The following PCDHGA1 variants were observed in gnomAD, a reference collection of about 807,000 sequenced individuals.
PCDHGA1 encodes protocadherin gamma-A1.
A neutral mutation model predicts 58.0 loss-of-function variants in PCDHGA1; 32 were observed. The ratio of observed to expected loss-of-function variants is 0.55; its 90% CI spans 0.42 to 0.74. The LOEUF is 0.74. PCDHGA1 is among the 30% of genes least tolerant of loss of function. PCDHGA1 has a pLI of 0.00. For synonymous variants in PCDHGA1, 498 were observed against 501.1 expected (o/e 0.99, Z 0.08); for missense variants, 1,205 against 1,182.3 (o/e 1.02, Z -0.28).
At chr5:141,383,656 G>A in intron 1 of PCDHGA1, 1 of 1,614,008 alleles carries the variant, frequency 6.2e-7, no homozygotes, top group South Asian at 1.1e-5. Context: ...AACTGTCCCC[G>A]AGAATGTGCC....
rs542553570 is a variant in PCDHGA1 at position 141,372,192 on chromosome 5, T to C, written c.2421+39087T>C. On this transcript the variant is annotated intron_variant, in intron 1 of 3. Coordinates refer to ENST00000517417, the MANE Select transcript of PCDHGA1 (RefSeq NM_018912.3). The stretch of plus-strand genomic sequence containing the variant: ...GGTGGCGGTGGACGCAGACTCGGGA[T>C]ACAACGCCTGGCTGTCCTACCACAT... 6.2e-6 allele frequency: 10 copies of C among 1,613,546 alleles called. No homozygotes were observed. Among genetic ancestry groups the C allele is most frequent in the Middle Eastern group, 1.7e-4 (1 of 6,028 alleles).
intron 1 of PCDHGA1, among the ~76,000 whole-genome samples, chr5:141,349,784 A>G (rs1309730202): frequency 2.0e-5 from 3 of 152,190 alleles, no homozygotes; most frequent in African/African-American, 7.2e-5. Flanking sequence ...TAGTGAAATC[A>G]CTGAAGATTT....
Position 141,509,375 on chromosome 5 carries a change from T to C in PCDHGA1, c.2570-1572T>C, listed in dbSNP as rs1450730489. Among the ~76,000 whole-genome samples, 6 of 152,168 alleles carry C rather than the reference T, an allele frequency of 3.9e-5. No homozygotes were observed. In the East Asian group the frequency reaches 1.2e-3, roughly 29 times the overall value. On this transcript the variant is annotated intron_variant, in intron 3 of 3. Coordinates refer to ENST00000517417, the MANE Select transcript of PCDHGA1 (RefSeq NM_018912.3). ...GGGCATCCCTGAGGTTTTAACTGTC[T>C]CCTAACCACAGAGGATCTCAGGGCC...
At chr5:141,399,402 G>T (rs2093800599) in intron 1 of PCDHGA1, 2 of 1,613,898 alleles carry the variant, frequency 1.2e-6, no homozygotes, top group Non-Finnish European at 1.7e-6. Context: ...ACAGGGGCAA[G>T]CCGCCCCTCT....
rs760092857 is a variant in PCDHGA1 at position 141,332,291 on chromosome 5, A to G, written c.1607A>G (p.Asp536Gly). The G allele has an allele frequency of 2.5e-6, 4 of 1,614,158 alleles. No individual in the cohort carries two copies. The highest frequency in any genetic ancestry group is 3.3e-5 in the Admixed American group (2 of 60,022). ...RDMQLKVMAR[D>G]SGDPPLSSNV... is the part of the protein sequence containing the mutation. ...ATGCAACTGAAAGTGATGGCGCGGG[A>G]CAGTGGGGATCCGCCCCTCAGCAGC... Residue 536 changes from aspartate to glycine, a missense_variant, in exon 1 of 4, where the codon GAC (aspartate) becomes GGC (glycine). Transcript: ENST00000517417. The surrounding 1 kb of genome is among the most constrained non-coding windows in gnomAD (Gnocchi z 4.6).
chr5:141,487,670 T>A lies in PCDHGA1; in HGVS notation c.2422-7137T>A. The A allele has an allele frequency of 6.2e-7, 1 of 1,612,302 alleles. No homozygotes were observed. Among genetic ancestry groups the A allele is most frequent in the Non-Finnish European group, 8.5e-7 (1 of 1,179,082 alleles). ...TGAGGGTTATTCTGATCCAGGCATA[T>A]GGCTAGGCCATGTCCTAGAGAGTAC... On this transcript the variant is annotated intron_variant, in intron 1 of 3. Transcript: ENST00000517417. This position sits in a 1 kb window ranked among gnomAD's most constrained non-coding sequence, Gnocchi z 5.0.
At chr5:141,340,735 G>A in intron 1 of PCDHGA1, 2 of 1,614,070 alleles carry the variant, frequency 1.2e-6, no homozygotes, top group South Asian at 1.1e-5. Flanking sequence ...GCTACCTGGT[G>A]ACCAAGGTGG....
intron 1 of PCDHGA1, among the ~76,000 whole-genome samples, chr5:141,348,227 C>T (rs1758083997): frequency 6.6e-6 from 1 of 152,094 alleles, no homozygotes; most frequent in African/African-American, 2.4e-5. Context: ...TAGGAAAAGG[C>T]ACATTTAAAT....
At chr5:141,403,495 C>T (rs2094413954) in intron 1 of PCDHGA1, 2 of 1,614,014 alleles carry the variant, frequency 1.2e-6, no homozygotes, top group Non-Finnish European at 1.7e-6. Flanking sequence ...TCTCCCTGAA[C>T]GTGCAGACTG....
intron 1 of PCDHGA1, chr5:141,403,543 G>C (rs1228327431): frequency 1.2e-6 from 2 of 1,614,006 alleles, no homozygotes; most frequent in Non-Finnish European, 1.7e-6. Context: ...TGGTGCTGGA[G>C]CGCGCCCTGG....
chr5:141,344,148 CTAGA>C (rs1447337473), intron 1 of PCDHGA1: 2 of 1,614,022 alleles, frequency 1.2e-6, no homozygotes, highest in Non-Finnish European at 1.7e-6. Flanking sequence ...GTCTGAGGAG[CTAGA>C]TAAAGGTTCC....
At chr5:141,370,428 G>A in intron 1 of PCDHGA1, 1 of 1,598,310 alleles carries the variant, frequency 6.3e-7, no homozygotes, top group Non-Finnish European at 8.5e-7. Context: ...GGGCCCAGCA[G>A]GGCAGAGGCG....
At chr5:141,480,948 G>C (rs1288557779) in intron 1 of PCDHGA1, among the ~76,000 whole-genome samples, 1 of 152,138 alleles carries the variant, frequency 6.6e-6, no homozygotes, top group Non-Finnish European at 1.5e-5. Context: ...TAGAGGCTGA[G>C]GCGGAAGCAT....
At chr5:141,344,464 A>T in intron 1 of PCDHGA1, 1 of 1,613,906 alleles carries the variant, frequency 6.2e-7, no homozygotes. Context: ...AAAATTGGTG[A>T]ACTAACGGTT....
chr5:141,392,641 C>A, intron 1 of PCDHGA1: 2 of 655,502 alleles, frequency 3.1e-6, no homozygotes, highest in East Asian at 5.8e-5. Flanking sequence ...TCACACCTCA[C>A]GAAGACCCGC....
Position 141,331,829 on chromosome 5 carries a change from C to A in PCDHGA1, c.1145C>A (p.Thr382Asn), listed in dbSNP as rs1207675541. 1 of 1,614,108 alleles carries A rather than the reference C, an allele frequency of 6.2e-7. No homozygotes were observed. Among genetic ancestry groups the A allele is most frequent in the South Asian group, 1.1e-5 (1 of 91,072 alleles). ...CAGGACTCAGGAGACAATGGCTACACCACATGTTTCATTCCTGGAAATTTA... is the reference window on the plus strand; with the variant it reads ...CAGGACTCAGGAGACAATGGCTACAACACATGTTTCATTCCTGGAAATTTA... ...HDQDSGDNGY[T>N]TCFIPGNLPF... The change falls in exon 1 of 4, where the codon ACC becomes AAC. Residue 382 changes from threonine (T) to asparagine (N), a missense_variant. Transcript: ENST00000517417.
intron 1 of PCDHGA1, chr5:141,339,522 G>C (rs1218132787): frequency 6.2e-7 from 1 of 1,614,170 alleles, no homozygotes; most frequent in Non-Finnish European, 8.5e-7. Flanking sequence ...GACGTGCGAA[G>C]GGGAGCTGAT....
In PCDHGA1 at chr5:141,511,161, G is replaced by A; in HGVS notation, c.2784G>A (p.Lys928=). 1 of 1,614,176 alleles carries A rather than the reference G, an allele frequency of 6.2e-7. No individual in the cohort carries two copies. The highest frequency in any genetic ancestry group is 8.5e-7 in the Non-Finnish European group (1 of 1,180,010). ...GNGNKKKSGK[K]EKK ...GCAACAAGAAGAAGTCGGGCAAGAA[G>A]GAGAAGAAGTAACATGGAGGCCAGG... Residue 928 remains lysine, a synonymous_variant, in exon 4 of 4, where the codon AAG becomes AAA. Transcript: ENST00000517417.
Position 141,384,133 on chromosome 5 carries a change from C to G in PCDHGA1, c.2421+51028C>G, listed in dbSNP as rs770731491. The G allele has an allele frequency of 1.7e-5, 27 of 1,611,570 alleles. No homozygotes were observed. The highest frequency in any genetic ancestry group is 2.2e-5 in the Non-Finnish European group (26 of 1,178,832). ...ATTGGTCACAACCAAAAACTTGGACCGGGAAACACTCTCTTTGTATAACAT... is the reference window on the plus strand; with the variant it reads ...ATTGGTCACAACCAAAAACTTGGACGGGGAAACACTCTCTTTGTATAACAT... On this transcript the variant is annotated intron_variant, in intron 1 of 3. Coordinates refer to ENST00000517417, the MANE Select transcript of PCDHGA1 (RefSeq NM_018912.3).
Sources: gnomAD v4.1 joint callset for allele counts (sites outside exome capture counted in the v4.1 genomes callset) on GRCh38, gnomAD v4.1.1 for gene constraint, Gnocchi (gnomAD v3.1) non-coding constraint, MANE v1.5 for transcripts, NCBI Gene and HGNC (gene_info 2026-07-23, HGNC 2026-07-21) for gene names.